The following TP53BP1 variants were observed in gnomAD, a reference collection of about 807,000 sequenced individuals.
TP53BP1 encodes the protein tumor protein p53 binding protein 1, also known as TP53-binding protein 1.
Under a neutral mutation model 200.8 loss-of-function variants are expected in TP53BP1, and 61 were observed. That is an observed-to-expected ratio of 0.30 (90% CI 0.25 to 0.38). TP53BP1 has a LOEUF of 0.38. TP53BP1 is among the 10% of genes least tolerant of loss of function. The probability of loss-of-function intolerance (pLI) is 1.00; values close to 1 mark genes in which losing one functional copy is unlikely to be tolerated. For synonymous variants in TP53BP1, 822 were observed against 844.3 expected (o/e 0.97, Z 0.46); for missense variants, 2,144 against 2,371.9 (o/e 0.90, Z 2.00).
chr15:43,462,442 T>C (rs1423827511), intron 11 of TP53BP1, among the ~76,000 whole-genome samples: 4 of 151,928 alleles, frequency 2.6e-5, no homozygotes, highest in Non-Finnish European at 4.4e-5. Context: ...CACCAGGAGC[T>C]GGGACTACAG....
chr15:43,469,830 G>A (rs1464101232), intron 11 of TP53BP1, 28 bp downstream of exon 11: 3 of 1,565,998 alleles, frequency 1.9e-6, no homozygotes, highest in African/African-American at 2.7e-5. Flanking sequence ...AATATGTTAG[G>A]AGAAACAACT....
chr15:43,419,952 A>G (rs1233265900), intron 21 of TP53BP1, among the ~76,000 whole-genome samples: 4 of 152,228 alleles, frequency 2.6e-5, no homozygotes, highest in Non-Finnish European at 5.9e-5. Flanking sequence ...TTTTGTGAAT[A>G]GTAATACACC....
chr15:43,507,606 T>C (rs1212928514), intron 1 of TP53BP1, among the ~76,000 whole-genome samples: 2 of 152,240 alleles, frequency 1.3e-5, no homozygotes, highest in East Asian at 1.9e-4. Context: ...AATTCATATA[T>C]GTATTTAATT....
intron 21 of TP53BP1, among the ~76,000 whole-genome samples, chr15:43,418,558 T>C (rs190845540): frequency 1.3e-5 from 2 of 150,676 alleles, no homozygotes; most frequent in African/African-American, 4.9e-5. Flanking sequence ...TATATGCCAA[T>C]CCATGTTCAA....
intron 1 of TP53BP1, among the ~76,000 whole-genome samples, chr15:43,505,171 G>A (rs994585005): frequency 6.6e-6 from 1 of 152,164 alleles, no homozygotes; most frequent in Admixed American, 6.5e-5. Context: ...TTGTGATATT[G>A]TAAAGGGAAT....
In TP53BP1 at chr15:43,428,099, G is replaced by A; in HGVS notation, c.3745C>T (p.Arg1249Trp). 11 of 1,613,202 alleles carry A rather than the reference G, an allele frequency of 6.8e-6. No individual in the cohort carries two copies. The highest frequency in any genetic ancestry group is 1.3e-5 in the African/African-American group (1 of 74,986). ...CGAGTGACAAGTGTGCGTACTTCCC[G>A]GATTGTTCTCATGTGACGATGTAAG... ...HVLHRHMRTI[R>W]EVRTLVTRVI... is the part of the protein sequence containing the mutation. Residue 1249 changes from arginine to tryptophan, a missense_variant, in exon 18 of 28, where the codon CGG (arginine) becomes TGG (tryptophan). By Grantham distance (101) the Arg-to-Trp change is moderately radical. Around this residue, in one of 4 missense-constraint regions of TP53BP1, gnomAD observed 1,700 missense variants for 1,710.3 expected, o/e 0.99. Coordinates refer to ENST00000382044, the MANE Select transcript of TP53BP1 (RefSeq NM_001141980.3).
chr15:43,491,195 C>T (rs1216955253), intron 4 of TP53BP1, among the ~76,000 whole-genome samples: 1 of 152,084 alleles, frequency 6.6e-6, no homozygotes, highest in African/African-American at 2.4e-5. Flanking sequence ...ACTCTCCTGC[C>T]TCAGCCTCCT....
At chr15:43,410,206 T>C (rs1339985485) in intron 24 of TP53BP1, among the ~76,000 whole-genome samples, 1 of 152,192 alleles carries the variant, frequency 6.6e-6, no homozygotes, top group Non-Finnish European at 1.5e-5. Flanking sequence ...TATGAAGGGT[T>C]TATTATAAAC....
chr15:43,412,654 C>G (rs1447469528), intron 24 of TP53BP1: 1 of 471,098 alleles, frequency 2.1e-6, no homozygotes, highest in African/African-American at 2.0e-5. Context: ...TCTTAGACCT[C>G]AGGAGAATGA....
chr15:43,449,411 A>G (rs1044687591), intron 12 of TP53BP1, among the ~76,000 whole-genome samples: 3 of 152,278 alleles, frequency 2.0e-5, no homozygotes, highest in East Asian at 1.9e-4. Flanking sequence ...GTGACATACT[A>G]TATTACGCAA....
At chr15:43,458,685 C>A (rs2046358462) in intron 11 of TP53BP1, among the ~76,000 whole-genome samples, 1 of 151,830 alleles carries the variant, frequency 6.6e-6, no homozygotes, top group African/African-American at 2.4e-5. Flanking sequence ...GAGGCTGAGG[C>A]AGCAGGATCC....
intron 1 of TP53BP1, among the ~76,000 whole-genome samples, chr15:43,504,495 T>C (rs1466249296): frequency 3.3e-5 from 5 of 152,148 alleles, no homozygotes. Context: ...AGTTGGTAAG[T>C]AAGAAAGTCA....
chr15:43,420,998 T>A, intron 20 of TP53BP1, 27 bp downstream of exon 20: 1 of 1,597,618 alleles, frequency 6.3e-7, no homozygotes, highest in Non-Finnish European at 8.5e-7. Flanking sequence ...AACAACAGAC[T>A]AAGTATATCT....
chr15:43,496,892 A>G (rs1267254184), upstream of TP53BP1, among the ~76,000 whole-genome samples: 2 of 152,146 alleles, frequency 1.3e-5, no homozygotes, highest in Non-Finnish European at 2.9e-5. Flanking sequence ...AAGTGCTGGG[A>G]TTACAGGCAT....
intron 15 of TP53BP1, among the ~76,000 whole-genome samples, chr15:43,440,981 A>G (rs962207516): frequency 6.6e-6 from 1 of 152,350 alleles, no homozygotes; most frequent in South Asian, 2.1e-4. Flanking sequence ...TGCCTGAAAC[A>G]ATTGTATTCT....
intron 14 of TP53BP1, among the ~76,000 whole-genome samples, 185 bp from the exon 15 acceptor site, chr15:43,441,768 TTTGAGACA>T (rs1372609418): frequency 6.6e-6 from 1 of 152,222 alleles, no homozygotes; most frequent in African/African-American, 2.4e-5. Flanking sequence ...ATTTCTTTAT[TTTGAGACA>T]GTCTCACTCT....
chr15:43,479,660 A>C, intron 6 of TP53BP1, 134 bp from the exon 7 acceptor site: 3 of 1,187,560 alleles, frequency 2.5e-6, no homozygotes, highest in South Asian at 3.2e-5. Flanking sequence ...TCAGTCTATA[A>C]AGGAAAGTAA....
At chr15:43,493,279 A>G (rs2140161693), upstream of TP53BP1, 4 of 1,370,788 alleles carry the variant, frequency 2.9e-6, no homozygotes, top group Middle Eastern at 2.6e-4. Flanking sequence ...AAGAAAAAGG[A>G]ACACGGCGGC....
chr15:43,495,504 C>CACACACACACAT (rs1326438901), upstream of TP53BP1, among the ~76,000 whole-genome samples: 1 of 140,696 alleles, frequency 7.1e-6, no homozygotes, highest in Non-Finnish European at 1.6e-5. Context: ...GTCACACACA[C>CACACACACACAT]ACACACACAC....
Sources: allele counts gnomAD v4.1 joint callset (sites outside exome capture counted in the v4.1 genomes callset), GRCh38; gene constraint gnomAD v4.1.1; regional missense constraint gnomAD v4.1.1; transcripts MANE v1.5; gene names NCBI Gene and HGNC (gene_info 2026-07-23, HGNC 2026-07-21).